The following TRPM8 variants were observed in gnomAD, a reference collection of about 807,000 sequenced individuals.
TRPM8 encodes the protein TRPM8 cationic channel.
Under a neutral mutation model 133.7 loss-of-function variants are expected in TRPM8, and 110 were observed. The ratio of observed to expected loss-of-function variants is 0.82; its 90% CI spans 0.70 to 0.96. The LOEUF (loss-of-function observed/expected upper bound fraction) is 0.96. TRPM8 is among the 40% of genes least tolerant of loss of function. TRPM8 has a pLI of 0.00. For missense variants in TRPM8, 1,291 were observed against 1,379.5 expected (o/e 0.94, Z 1.02); for synonymous variants, 535 against 532.3 (o/e 1.01, Z -0.07).
chr2:233,921,677 CTTTTT>C (rs11373529), intron 1 of TRPM8, among the ~76,000 whole-genome samples: 1 of 106,654 alleles, frequency 9.4e-6, no homozygotes, highest in African/African-American at 3.8e-5. Flanking sequence ...CTTTTCTTTT[CTTTTT>C]TTTTTTTTTT....
chr2:233,938,191 C>T (rs773066674), intron 4 of TRPM8, among the ~76,000 whole-genome samples: 4 of 152,214 alleles, frequency 2.6e-5, no homozygotes, highest in South Asian at 2.1e-4. Context: ...TCAGCATGGC[C>T]GCTGGAGGAC....
chr2:233,980,085 G>T, intron 17 of TRPM8, 103 bp from the exon 18 acceptor site: 1 of 789,854 alleles, frequency 1.3e-6, no homozygotes. Flanking sequence ...CACGTCATTG[G>T]CTCAAAAAGG....
At chr2:234,007,008 T>C (rs1443755963) in intron 23 of TRPM8, 56 bp downstream of exon 23, 8 of 1,353,562 alleles carry the variant, frequency 5.9e-6, no homozygotes, top group African/African-American at 2.9e-5. Flanking sequence ...CATAAGCCCA[T>C]AGAACGTAGG....
At chr2:234,003,781 T>C (rs185624091) in intron 22 of TRPM8, among the ~76,000 whole-genome samples, 87 of 152,080 alleles carry the variant, frequency 5.7e-4, no homozygotes, top group Non-Finnish European at 1.1e-3. Flanking sequence ...TCTGTGGAGG[T>C]AGTGAACTGC....
At chr2:233,923,173 TTA>T (rs1691444059) in intron 1 of TRPM8, among the ~76,000 whole-genome samples, 1 of 152,168 alleles carries the variant, frequency 6.6e-6, no homozygotes, top group Non-Finnish European at 1.5e-5. Flanking sequence ...CCGGCCATTT[TTA>T]TGTTTATTCT....
At chr2:233,937,985 G>A (rs756665121) in intron 4 of TRPM8, among the ~76,000 whole-genome samples, 3 of 152,158 alleles carry the variant, frequency 2.0e-5, no homozygotes, top group South Asian at 2.1e-4. Flanking sequence ...TGAGAGCACC[G>A]TCCACAGGCT....
At chr2:233,982,450 C>A (rs1167462403) in intron 19 of TRPM8, among the ~76,000 whole-genome samples, 1 of 152,168 alleles carries the variant, frequency 6.6e-6, no homozygotes, top group African/African-American at 2.4e-5. Context: ...ACCCAAACCT[C>A]CCCTGTTTCT....
Position 233,963,187 on chromosome 2 carries a change from A to T in TRPM8, c.1654-95A>T. On this transcript the variant is annotated intron_variant, in intron 12 of 25. Coordinates refer to ENST00000324695, the MANE Select transcript of TRPM8 (RefSeq NM_024080.5). The stretch of plus-strand genomic sequence containing the variant: ...TGAGAATGGAGTCATGCACAAAGCC[A>T]CAGAGCCCTCCAAACATGGGCTACT... The T allele has an allele frequency of 7.1e-6, 5 of 707,256 alleles. No homozygotes were observed. The South Asian group carries it at 8.4e-5, about 12-fold the overall frequency. 43.8% of individuals were successfully genotyped at this position (707,256 alleles called of 1,614,324 possible).
intron 5 of TRPM8, among the ~76,000 whole-genome samples, chr2:233,941,863 G>A (rs951673539): frequency 6.6e-6 from 1 of 152,104 alleles, no homozygotes; most frequent in Non-Finnish European, 1.5e-5. Context: ...GCCATCCAAG[G>A]AAGATTCACT....
At chr2:233,938,476 T>A (rs1014132443) in intron 4 of TRPM8, among the ~76,000 whole-genome samples, 1 of 152,148 alleles carries the variant, frequency 6.6e-6, no homozygotes. Flanking sequence ...CCCAAGATGG[T>A]CAGAGCACGG....
chr2:233,931,291 T>C (rs1332042409), intron 3 of TRPM8, among the ~76,000 whole-genome samples: 1 of 152,236 alleles, frequency 6.6e-6, no homozygotes, highest in Non-Finnish European at 1.5e-5. Flanking sequence ...ATGGGTCGAC[T>C]AGTGCTCACC....
In TRPM8 at chr2:233,927,976, CTTT is replaced by C. The variant is rs61600192; in HGVS notation, c.117+1331_117+1333del. ...TCTCTCTCTCTTTCTTTCTTTCTTT[CTTT>C]TTTTTTTTGAGACGGAGTCTCGCTG... On this transcript the variant is annotated intron_variant, in intron 2 of 25. Coordinates refer to ENST00000324695, the MANE Select transcript of TRPM8 (RefSeq NM_024080.5). Among the ~76,000 whole-genome samples, 3 of 34,278 alleles carry C rather than the reference CTTT, an allele frequency of 8.8e-5. 1 individual carries two copies. The highest frequency in any genetic ancestry group is 7.5e-4 in the African/African-American group (3 of 3,994). 22.5% of individuals were successfully genotyped at this position (34,278 alleles called of 152,430 possible).
intron 21 of TRPM8, among the ~76,000 whole-genome samples, chr2:233,991,230 T>C (rs1290540040): frequency 6.6e-6 from 1 of 152,126 alleles, no homozygotes; most frequent in Non-Finnish European, 1.5e-5. Context: ...TGAAGAGAAA[T>C]GTCATGGGTC....
At chr2:233,929,146 G>T (rs1201821430) in intron 2 of TRPM8, among the ~76,000 whole-genome samples, 2 of 151,848 alleles carry the variant, frequency 1.3e-5, no homozygotes, top group African/African-American at 4.8e-5. Flanking sequence ...GTGGATTTCT[G>T]GTCTTTGCTA....
intron 25 of TRPM8, among the ~76,000 whole-genome samples, chr2:234,014,891 C>G (rs1574797779): frequency 1.3e-5 from 2 of 152,218 alleles, no homozygotes; most frequent in East Asian, 3.9e-4. Flanking sequence ...TTGCTACGAG[C>G]AGGGTGTAAG....
At chr2:233,998,855 C>T (rs182495632) in intron 22 of TRPM8, among the ~76,000 whole-genome samples, 2 of 152,312 alleles carry the variant, frequency 1.3e-5, no homozygotes, top group East Asian at 3.9e-4. Flanking sequence ...CCAATTGTAA[C>T]ATGGGCATTT....
intron 11 of TRPM8, among the ~76,000 whole-genome samples, chr2:233,957,494 A>C (rs1380306102): frequency 6.6e-6 from 1 of 152,200 alleles, no homozygotes; most frequent in Non-Finnish European, 1.5e-5. Context: ...GTCTCAAAAC[A>C]AACAAACACA....
rs186544132 is a variant in TRPM8 at position 234,014,511 on chromosome 2, A to G, written c.3265-51A>G. ...GGCACAGAGCGATAATTTAAAAATGAAAGTTGGAAAATTTATCTTAAGATG... is the reference window on the plus strand; with the variant it reads ...GGCACAGAGCGATAATTTAAAAATGGAAGTTGGAAAATTTATCTTAAGATG... On this transcript the variant is annotated intron_variant, in intron 24 of 25. Coordinates refer to ENST00000324695, the MANE Select transcript of TRPM8 (RefSeq NM_024080.5). The G allele has an allele frequency of 6.6e-4, 806 of 1,223,630 alleles. 3 individuals are homozygous for G. In the African/African-American group the frequency reaches 0.01, roughly 15 times the overall value. The allele number at this position is 1,223,630 out of a possible 1,614,324, so 75.8% of individuals were successfully genotyped here.
In TRPM8 at chr2:233,989,473, C is replaced by T. The variant is rs1407226382; in HGVS notation, c.2939+3608C>T. On this transcript the variant is annotated intron_variant, in intron 21 of 25. Coordinates refer to ENST00000324695, the MANE Select transcript of TRPM8 (RefSeq NM_024080.5). The surrounding 1 kb of genome is among the most constrained non-coding windows in gnomAD (Gnocchi z 4.2). The stretch of plus-strand genomic sequence containing the variant: ...GCTTAAACCAGAGGCCTTTTCCTGG[C>T]TAATACCTGTCTGGGGACACCAGAA... Among the ~76,000 whole-genome samples the T allele has an allele frequency of 1.3e-5, 2 of 152,190 alleles. No homozygotes were observed. The highest frequency in any genetic ancestry group is 3.9e-4 in the East Asian group (2 of 5,190).
Sources: gnomAD v4.1 joint callset for allele counts (sites outside exome capture counted in the v4.1 genomes callset) on GRCh38, gnomAD v4.1.1 for gene constraint, Gnocchi (gnomAD v3.1) non-coding constraint, MANE v1.5 for transcripts, NCBI Gene and HGNC (gene_info 2026-07-23, HGNC 2026-07-21) for gene names.